Variants in EXD3 observed in about 807,000 individuals in gnomAD.
EXD3 encodes exonuclease mut-7 homolog.
In EXD3, 92 loss-of-function variants were observed where a neutral mutation model predicts 98.0. That is an observed-to-expected ratio of 0.94 (90% confidence interval 0.79 to 1.12). EXD3 has a LOEUF of 1.12. EXD3 is among the 50% of genes most tolerant of loss of function. The pLI is 0.00. For synonymous variants in EXD3, 569 were observed against 526.0 expected (o/e 1.08, Z -1.12); for missense variants, 1,222 against 1,191.6 (o/e 1.03, Z -0.38).
At chr9:137,412,387 A>G (rs1209209268) in intron 1 of EXD3, among the ~76,000 whole-genome samples, 1 of 152,266 alleles carries the variant, frequency 6.6e-6, no homozygotes, top group Admixed American at 6.5e-5. Flanking sequence ...CTGGAGTTAA[A>G]TAAAATATAT....
chr9:137,345,082 T>C (rs1055058565), intron 17 of EXD3, among the ~76,000 whole-genome samples: 12 of 152,268 alleles, frequency 7.9e-5, no homozygotes, highest in African/African-American at 2.9e-4. Context: ...CAGGTTCACC[T>C]GACAAAGTCA....
At chr9:137,376,711 A>G (rs967129488) in intron 3 of EXD3, among the ~76,000 whole-genome samples, 10 of 151,944 alleles carry the variant, frequency 6.6e-5, no homozygotes, top group African/African-American at 2.4e-4. Context: ...GGGCGGATCA[A>G]CTGAGGTCGG....
chr9:137,382,564 C>T (rs531150944), intron 3 of EXD3, among the ~76,000 whole-genome samples: 1 of 152,274 alleles, frequency 6.6e-6, no homozygotes, highest in African/African-American at 2.4e-5. Flanking sequence ...AAGAAGCCAC[C>T]GAGCTGATGG....
In EXD3 at chr9:137,383,340, G is replaced by T; in HGVS notation, c.93C>A (p.Thr31=). Residue 31 remains threonine (T), a synonymous_variant, in exon 3 of 22, where the codon ACC becomes ACA. Transcript: ENST00000340951. ...DPLLLLQALQ[T]LWSTRERKQL... is the part of the protein sequence containing the mutation. ...GCTTCCGCTCCCGCGTGGACCACAG[G>T]GTCTGCAGGGCCTGCAGGAGCAGGA... 1.3e-6 allele frequency: 2 copies of T among 1,550,484 alleles called. No individual in the cohort carries two copies. The highest frequency in any genetic ancestry group is 2.0e-5 in the Admixed American group (1 of 51,036).
Position 137,405,316 on chromosome 9 carries a change from C to A in EXD3, c.-47-9912G>T, listed in dbSNP as rs1477236990. On this transcript the variant is annotated intron_variant, in intron 1 of 21. Coordinates refer to ENST00000340951, the MANE Select transcript of EXD3 (RefSeq NM_017820.5). The surrounding 1 kb of genome is among the most constrained non-coding windows in gnomAD (Gnocchi z 4.1). Reference sequence around the variant, plus strand: ...GCCAGAGCAGGGGCCAGAGCCCCAACCCCCGCTGCTTCCCCAACTGCTCCC... The same window carrying A: ...GCCAGAGCAGGGGCCAGAGCCCCAAACCCCGCTGCTTCCCCAACTGCTCCC... Among the ~76,000 whole-genome samples, 1 of 152,206 alleles carries A rather than the reference C, an allele frequency of 6.6e-6. No homozygotes were observed. Among genetic ancestry groups the A allele is most frequent in the Admixed American group, 6.5e-5 (1 of 15,282 alleles).
intron 2 of EXD3, among the ~76,000 whole-genome samples, chr9:137,388,602 C>T (rs761485008): frequency 1.4e-4 from 22 of 152,072 alleles, no homozygotes; most frequent in Non-Finnish European, 1.5e-4. Flanking sequence ...GAACTGAGGC[C>T]GACCCCAGCA....
At chr9:137,337,747 G>C (rs1833435559) in intron 17 of EXD3, among the ~76,000 whole-genome samples, 1 of 151,720 alleles carries the variant, frequency 6.6e-6, no homozygotes, top group South Asian at 2.1e-4. Flanking sequence ...GAGAGAGGGG[G>C]AGAGAGATGA....
chr9:137,352,899 G>C, intron 10 of EXD3, 113 bp from the exon 11 acceptor site: 1 of 1,450,994 alleles, frequency 6.9e-7, no homozygotes, highest in Non-Finnish European at 9.0e-7. Flanking sequence ...GAGCACTCGG[G>C]GAGGAGGGGC....
chr9:137,366,127 C>G (rs866802584), intron 7 of EXD3: 1 of 697,836 alleles, frequency 1.4e-6, no homozygotes, highest in Non-Finnish European at 2.6e-6. Context: ...TAATTGCTGA[C>G]AGACGTCACA....
chr9:137,360,430 CTCTT>C (rs1292437953), intron 7 of EXD3, among the ~76,000 whole-genome samples: 1 of 77,866 alleles, frequency 1.3e-5, no homozygotes, highest in African/African-American at 3.6e-5. Flanking sequence ...TTCTGTTATT[CTCTT>C]TCTTTCATCC....
At chr9:137,327,508 T>C (rs1339530377) in intron 17 of EXD3, among the ~76,000 whole-genome samples, 1 of 152,142 alleles carries the variant, frequency 6.6e-6, no homozygotes, top group African/African-American at 2.4e-5. Context: ...GTGAATGTGC[T>C]AATGCCACTG....
In EXD3 at chr9:137,349,002, C is replaced by A; in HGVS notation, c.1830+108G>T. 7.5e-7 allele frequency: 1 copy of A among 1,327,380 alleles called. No individual in the cohort carries two copies. The allele number at this position is 1,327,380 out of a possible 1,614,324, so 82.2% of individuals were successfully genotyped here. On this transcript the variant is annotated intron_variant, in intron 16 of 21. Coordinates refer to ENST00000340951, the MANE Select transcript of EXD3 (RefSeq NM_017820.5). This position sits in a 1 kb window ranked among gnomAD's most constrained non-coding sequence, Gnocchi z 7.4. ...CTCGCTCCAGGAGCTGGGCCCCCTC[C>A]ACACGCTCTGACCCAGTGGCCTTGT...
intron 1 of EXD3, among the ~76,000 whole-genome samples, chr9:137,419,019 G>C (rs754632978): frequency 3.3e-5 from 5 of 151,972 alleles, no homozygotes; most frequent in Non-Finnish European, 5.9e-5. Context: ...TAACATTAAG[G>C]GTTTTTTTCA....
intron 19 of EXD3, among the ~76,000 whole-genome samples, chr9:137,310,772 CT>C: frequency 6.6e-6 from 1 of 152,328 alleles, no homozygotes; most frequent in Non-Finnish European, 1.5e-5. Flanking sequence ...CCTGCAGGTC[CT>C]GTGGAGGTGT....
chr9:137,351,427 C>G lies in EXD3; in HGVS notation c.1275G>C (p.Val425=). ...AGAGTGCCAGGACGTCCAGAAGGAA[C>G]ACGTGGCCCTCCACGGCCACCTGCA... ...SLLQVAVEGH[V]FLLDVLALSQ... Residue 425 remains valine (V), a synonymous_variant, in exon 13 of 22, where the codon GTG becomes GTC. Transcript: ENST00000340951. 6.2e-7 allele frequency: 1 copy of G among 1,607,878 alleles called. No homozygotes were observed. Among genetic ancestry groups the G allele is most frequent in the Non-Finnish European group, 8.5e-7 (1 of 1,178,184 alleles).
rs2131731061 is a variant in EXD3 at position 137,385,820 on chromosome 9, C to T, written c.56-2443G>A. Among the ~76,000 whole-genome samples the T allele has an allele frequency of 6.6e-6, 1 of 152,218 alleles. No homozygotes were observed. The highest frequency in any genetic ancestry group is 1.9e-4 in the East Asian group (1 of 5,164). Reference sequence around the variant, plus strand: ...AAGTGCTGGGATGACAGGCGTGAGCCACCGCGCCCAGCCCAGATTTTCTTT... The same window carrying T: ...AAGTGCTGGGATGACAGGCGTGAGCTACCGCGCCCAGCCCAGATTTTCTTT... On this transcript the variant is annotated intron_variant, in intron 2 of 21. Coordinates refer to ENST00000340951, the MANE Select transcript of EXD3 (RefSeq NM_017820.5). This position sits in a 1 kb window ranked among gnomAD's most constrained non-coding sequence, Gnocchi z 4.4.
chr9:137,415,199 TG>T (rs1173895316), intron 1 of EXD3, among the ~76,000 whole-genome samples: 38 of 148,900 alleles, frequency 2.6e-4, no homozygotes, highest in African/African-American at 9.3e-4. Context: ...GTCACAGGTT[TG>T]TTTTTTTTTT....
chr9:137,420,565 G>A (rs928557666), intron 1 of EXD3, among the ~76,000 whole-genome samples: 1 of 152,190 alleles, frequency 6.6e-6, no homozygotes, highest in African/African-American at 2.4e-5. Flanking sequence ...CTGCTTTGAG[G>A]AATCGAGGTT....
Position 137,407,086 on chromosome 9 carries a change from G to A in EXD3, c.-47-11682C>T, listed in dbSNP as rs1015398421. ...CGTTCACAGAGGCACCGGAGCGGGC[G>A]GGCGGGGGCGGCCTGCGGAGCAGCC... is the stretch of plus-strand genomic sequence containing the variant. On this transcript the variant is annotated intron_variant, in intron 1 of 21. Coordinates refer to ENST00000340951, the MANE Select transcript of EXD3 (RefSeq NM_017820.5). This position sits in a 1 kb window ranked among gnomAD's most constrained non-coding sequence, Gnocchi z 4.4. Among the ~76,000 whole-genome samples the A allele has an allele frequency of 6.6e-5, 10 of 152,252 alleles. No homozygotes were observed. Among genetic ancestry groups the A allele is most frequent in the African/African-American group, 2.4e-4 (10 of 41,560 alleles).
Sources: allele counts gnomAD v4.1 joint callset (sites outside exome capture counted in the v4.1 genomes callset), GRCh38; gene constraint gnomAD v4.1.1; non-coding constraint Gnocchi (gnomAD v3.1); transcripts MANE v1.5; gene names NCBI Gene and HGNC (gene_info 2026-07-23, HGNC 2026-07-21).